Variants in CACNB2 observed in about 807,000 individuals in gnomAD.
CACNB2 encodes the protein calcium voltage-gated channel auxiliary subunit beta 2.
Under a neutral mutation model 73.3 loss-of-function variants are expected in CACNB2, and 42 were observed. The observed-to-expected ratio is 0.57, with a 90% CI of 0.45 to 0.74. The LOEUF is 0.74. Among genes scored for constraint, CACNB2 ranks in the 30% least tolerant of loss-of-function variants. CACNB2 has a pLI of 0.00. For synonymous variants in CACNB2, 348 were observed against 310.3 expected (o/e 1.12, Z -1.28); for missense variants, 940 against 853.0 (o/e 1.10, Z -1.27).
intron 2 of CACNB2, among the ~76,000 whole-genome samples, chr10:18,362,679 G>A (rs149820639): frequency 4.9e-4 from 74 of 152,228 alleles, no homozygotes; most frequent in South Asian, 3.3e-3. Context: ...CGTGGCTCAC[G>A]CCTGTAATTC....
Position 18,518,666 on chromosome 10 carries a change from G to A in CACNB2, c.886-244G>A, listed in dbSNP as rs570812180. ...TGCAGTGTACTCAGTCCAGGAAATA[G>A]TGTCAAATGGAGACCGACTGAAACC... On this transcript the variant is annotated intron_variant, in intron 8 of 13. Coordinates refer to ENST00000324631, the MANE Select transcript of CACNB2 (RefSeq NM_201596.3). Among the ~76,000 whole-genome samples, 18 of 152,302 alleles carry A rather than the reference G, an allele frequency of 1.2e-4. No individual in the cohort carries two copies. In the South Asian group the frequency reaches 2.3e-3, roughly 19 times the overall value.
intron 3 of CACNB2, among the ~76,000 whole-genome samples, chr10:18,405,372 A>T (rs2044230243): frequency 6.6e-6 from 1 of 152,172 alleles, no homozygotes; most frequent in Non-Finnish European, 1.5e-5. Context: ...ACCATAGGTG[A>T]TCTTTTGTGA....
At chr10:18,233,842 C>T (rs2036319738) in intron 2 of CACNB2, among the ~76,000 whole-genome samples, 1 of 152,142 alleles carries the variant, frequency 6.6e-6, no homozygotes, top group African/African-American at 2.4e-5. Flanking sequence ...CACGAATAGC[C>T]TCTTTTAGGA....
Position 18,184,300 on chromosome 10 carries a change from G to A in CACNB2, c.213+33325G>A, listed in dbSNP as rs11012897. Among the ~76,000 whole-genome samples the A allele has an allele frequency of 9.7e-3, 1,482 of 152,214 alleles. 29 individuals are homozygous for A. Among genetic ancestry groups the A allele is most frequent in the African/African-American group, 0.034 (1,411 of 41,506 alleles). On this transcript the variant is annotated intron_variant, in intron 2 of 13. Transcript: ENST00000324631. ...GCATCATGGTTATAGGAAGTATTAA[G>A]CACCTAAGTTTAAAACAGAAAAGGA... is the stretch of plus-strand genomic sequence containing the variant.
intron 2 of CACNB2, among the ~76,000 whole-genome samples, chr10:18,193,281 T>C (rs1449331975): frequency 6.6e-6 from 1 of 151,604 alleles, no homozygotes; most frequent in Non-Finnish European, 1.5e-5. Context: ...TTTTTTTTTT[T>C]TACAGTGATT....
chr10:18,191,582 C>G (rs1349107898), intron 2 of CACNB2, among the ~76,000 whole-genome samples: 3 of 152,158 alleles, frequency 2.0e-5, no homozygotes, highest in Non-Finnish European at 2.9e-5. Flanking sequence ...TCTTTTATCC[C>G]TCACCGCTTC....
intron 2 of CACNB2, among the ~76,000 whole-genome samples, chr10:18,202,784 G>A (rs966005085): frequency 2.0e-5 from 3 of 152,202 alleles, no homozygotes; most frequent in Admixed American, 6.5e-5. Flanking sequence ...ATGTAGTAAC[G>A]TCAAGAAATA....
chr10:18,396,766 T>C (rs1271235543), intron 2 of CACNB2, among the ~76,000 whole-genome samples: 2 of 152,206 alleles, frequency 1.3e-5, no homozygotes, highest in African/African-American at 2.4e-5. Flanking sequence ...CTATTGTGCC[T>C]GGCCCCATTT....
At position 18,217,938 on chromosome 10, in the gene CACNB2, A is replaced by G. The variant is rs183095265; in HGVS notation, c.213+66963A>G. Among the ~76,000 whole-genome samples the G allele has an allele frequency of 9.2e-4, 140 of 152,192 alleles. 1 individual carries two copies. The highest frequency in any genetic ancestry group is 1.5e-3 in the Non-Finnish European group (102 of 68,012). On this transcript the variant is annotated intron_variant, in intron 2 of 13. Transcript: ENST00000324631. ...TGGTTGAGATGGTGGTGCATGCTTT[A>G]GTTTCTCAGTAAGAATTTCACACTA... is the stretch of plus-strand genomic sequence containing the variant.
At chr10:18,242,950 C>T (rs1354687859) in intron 2 of CACNB2, among the ~76,000 whole-genome samples, 1 of 147,846 alleles carries the variant, frequency 6.8e-6, no homozygotes, top group East Asian at 2.0e-4. Context: ...GCGGAGCTTG[C>T]AGTGAGCCGA....
chr10:18,191,322 T>G (rs192085217), intron 2 of CACNB2, among the ~76,000 whole-genome samples: 34 of 152,350 alleles, frequency 2.2e-4, no homozygotes, highest in Middle Eastern at 3.4e-3. Flanking sequence ...GGGAAGGAAC[T>G]AGAACTTGAC....
At chr10:18,268,246 C>T (rs1411188893) in intron 2 of CACNB2, among the ~76,000 whole-genome samples, 1 of 152,192 alleles carries the variant, frequency 6.6e-6, no homozygotes, top group African/African-American at 2.4e-5. Context: ...CTGCTCTTTG[C>T]CCAAGGCTAT....
chr10:18,317,694 C>T lies in CACNB2; in HGVS notation c.214-84230C>T, dbSNP rs532097343. Among the ~76,000 whole-genome samples, 32 of 152,300 alleles carry T rather than the reference C, an allele frequency of 2.1e-4. 1 individual carries two copies. The South Asian group carries it at 3.1e-3, about 15-fold the overall frequency. On this transcript the variant is annotated intron_variant, in intron 2 of 13. Coordinates refer to ENST00000324631, the MANE Select transcript of CACNB2 (RefSeq NM_201596.3). ...CTATTGTGAACAGTGCTGCGATGAA[C>T]ATATGAGTGCAGGTGTCTTTTGGTA...
intron 5 of CACNB2, among the ~76,000 whole-genome samples, chr10:18,505,462 A>G (rs2050437573): frequency 6.6e-6 from 1 of 152,252 alleles, no homozygotes; most frequent in Admixed American, 6.5e-5. Flanking sequence ...TTTATGCATT[A>G]AAATGCTAGA....
At chr10:18,426,609 G>A (rs1010184050) in intron 3 of CACNB2, among the ~76,000 whole-genome samples, 1 of 152,202 alleles carries the variant, frequency 6.6e-6, no homozygotes, top group East Asian at 1.9e-4. Flanking sequence ...GGAGGCCAAG[G>A]TAGGAGGATC....
At chr10:18,534,405 C>T (rs1046746384) in intron 11 of CACNB2, among the ~76,000 whole-genome samples, 178 bp downstream of exon 11, 13 of 152,188 alleles carry the variant, frequency 8.5e-5, no homozygotes, top group African/African-American at 3.1e-4. Flanking sequence ...CAGCTGTTCT[C>T]AAAGTGTGGT....
At chr10:18,189,566 A>G (rs1221394114) in intron 2 of CACNB2, among the ~76,000 whole-genome samples, 1 of 152,184 alleles carries the variant, frequency 6.6e-6, no homozygotes, top group Admixed American at 6.6e-5. Flanking sequence ...AGCGTTTGCT[A>G]TGGCAGGATA....
At chr10:18,466,133 G>A (rs535062908) in intron 3 of CACNB2, among the ~76,000 whole-genome samples, 2 of 152,288 alleles carry the variant, frequency 1.3e-5, no homozygotes, top group Admixed American at 6.5e-5. Context: ...TACGGTGCAC[G>A]AAGCCAAGAA....
chr10:18,306,118 A>C (rs1368392318), intron 2 of CACNB2, among the ~76,000 whole-genome samples: 1 of 152,202 alleles, frequency 6.6e-6, no homozygotes, highest in Non-Finnish European at 1.5e-5. Flanking sequence ...GCAAGCAGGC[A>C]TTTAATTGTG....
Sources: gnomAD v4.1 joint callset for allele counts (sites outside exome capture counted in the v4.1 genomes callset) on GRCh38, gnomAD v4.1.1 for gene constraint, MANE v1.5 for transcripts, NCBI Gene and HGNC (gene_info 2026-07-23, HGNC 2026-07-21) for gene names.